The following STXBP5L variants were observed in gnomAD, a reference collection of about 807,000 sequenced individuals.
STXBP5L encodes syntaxin binding protein 5L.
STXBP5L carries 65 observed loss-of-function variants against 144.5 expected under a neutral mutation model. The observed-to-expected ratio is 0.45, with a 90% confidence interval of 0.37 to 0.55. The LOEUF (loss-of-function observed/expected upper bound fraction) is 0.55, where lower values mean the gene tolerates loss of function less well. STXBP5L is among the 20% of genes least tolerant of loss of function. The pLI, the probability that STXBP5L is intolerant of heterozygous loss-of-function variation, is 0.00. For missense variants in STXBP5L, 1,298 were observed against 1,405.5 expected (o/e 0.92, Z 1.22); for synonymous variants, 505 against 469.6 (o/e 1.08, Z -0.97).
intron 19 of STXBP5L, among the ~76,000 whole-genome samples, chr3:121,305,614 ATC>A (rs1205499747): frequency 6.6e-6 from 1 of 152,176 alleles, no homozygotes; most frequent in Admixed American, 6.5e-5. Context: ...TAAAATAAAA[ATC>A]CTTAACAAAA....
At chr3:121,217,720 A>G (rs1003514020) in intron 10 of STXBP5L, among the ~76,000 whole-genome samples, 7 of 152,094 alleles carry the variant, frequency 4.6e-5, no homozygotes, top group African/African-American at 1.4e-4. Flanking sequence ...ATTTCTTATA[A>G]TCTTTATTGT....
intron 18 of STXBP5L, among the ~76,000 whole-genome samples, chr3:121,267,799 T>A (rs1462022446): frequency 6.6e-6 from 1 of 152,012 alleles, no homozygotes; most frequent in Non-Finnish European, 1.5e-5. Context: ...AACAAATATA[T>A]GAAAAAAAGC....
At chr3:121,170,994 T>G (rs1244910693) in intron 9 of STXBP5L, among the ~76,000 whole-genome samples, 1 of 152,170 alleles carries the variant, frequency 6.6e-6, no homozygotes, top group Admixed American at 6.5e-5. Context: ...TTATCCACCA[T>G]GATCAAGTTG....
chr3:120,931,892 C>A (rs1002605874), intron 2 of STXBP5L, among the ~76,000 whole-genome samples: 1 of 152,186 alleles, frequency 6.6e-6, no homozygotes, highest in African/African-American at 2.4e-5. Flanking sequence ...TATACAGTCA[C>A]ATGTAACTTA....
At chr3:121,178,986 A>G (rs890869457) in intron 9 of STXBP5L, among the ~76,000 whole-genome samples, 9 of 152,116 alleles carry the variant, frequency 5.9e-5, no homozygotes, top group African/African-American at 1.4e-4. Context: ...ACTGTGGCAG[A>G]TACGAGCACA....
chr3:121,308,113 G>A (rs1035756351), intron 19 of STXBP5L, among the ~76,000 whole-genome samples: 1 of 152,282 alleles, frequency 6.6e-6, no homozygotes, highest in Non-Finnish European at 1.5e-5. Flanking sequence ...TGTTGGAGCA[G>A]GGGGAGGGAG....
At chr3:121,089,771 A>G (rs775029567) in intron 5 of STXBP5L, among the ~76,000 whole-genome samples, 1 of 151,416 alleles carries the variant, frequency 6.6e-6, no homozygotes, top group African/African-American at 2.4e-5. Context: ...TTTTTTACTT[A>G]TATTATTTGT....
chr3:121,193,901 G>A (rs993800065), intron 9 of STXBP5L, among the ~76,000 whole-genome samples: 9 of 151,882 alleles, frequency 5.9e-5, no homozygotes, highest in Non-Finnish European at 1.0e-4. Flanking sequence ...CAGCAAACCA[G>A]CATGGCACAT....
chr3:121,316,708 G>T (rs2043800866), intron 19 of STXBP5L, among the ~76,000 whole-genome samples: 1 of 152,132 alleles, frequency 6.6e-6, no homozygotes. Flanking sequence ...GGCACAGTAG[G>T]CATTCAATAA....
rs376943786 is a variant in STXBP5L at position 121,176,265 on chromosome 3, G to A, written c.877+18638G>A. On this transcript the variant is annotated intron_variant, in intron 9 of 26. Coordinates refer to ENST00000471454, the MANE Select transcript of STXBP5L (RefSeq NM_001308330.2). ...AATGCACACCATTTTTTTAAAAGTG[G>A]AAATGGGACACTAATCCAAATGGAT... 5.2e-4 allele frequency among the ~76,000 whole-genome samples: 79 copies of A among 151,892 alleles called. 1 individual carries two copies. The South Asian group carries it at 0.015, about 29-fold the overall frequency.
intron 5 of STXBP5L, among the ~76,000 whole-genome samples, chr3:121,098,144 T>TG (rs2043225243): frequency 6.6e-6 from 1 of 152,208 alleles, no homozygotes; most frequent in South Asian, 2.1e-4. Flanking sequence ...TATCTTGATA[T>TG]GTTTTTTAGA....
intron 3 of STXBP5L, among the ~76,000 whole-genome samples, chr3:120,966,212 A>C (rs962791373): frequency 3.3e-5 from 5 of 152,236 alleles, no homozygotes; most frequent in African/African-American, 1.2e-4. Context: ...GCTTCCTTGC[A>C]ATGGGTTCAA....
Position 121,169,300 on chromosome 3 carries a change from G to C in STXBP5L, c.877+11673G>C, listed in dbSNP as rs60718086. ...CATCAACTAACAGGCAAAATAAACA[G>C]CCAGCGTCATAAAGACAGGATCAAA... On this transcript the variant is annotated intron_variant, in intron 9 of 26. Coordinates refer to ENST00000471454, the MANE Select transcript of STXBP5L (RefSeq NM_001308330.2). Among the ~76,000 whole-genome samples the C allele has an allele frequency of 2.5e-3, 381 of 152,218 alleles. 2 individuals are homozygous for C. Among genetic ancestry groups the C allele is most frequent in the African/African-American group, 8.6e-3 (358 of 41,544 alleles).
intron 12 of STXBP5L, among the ~76,000 whole-genome samples, chr3:121,236,906 C>T (rs967935075): frequency 6.6e-6 from 1 of 152,146 alleles, no homozygotes; most frequent in African/African-American, 2.4e-5. Flanking sequence ...AGTAGGAAGG[C>T]GTAACAAGTC....
chr3:121,201,895 A>G (rs2048153473), intron 9 of STXBP5L, among the ~76,000 whole-genome samples: 1 of 152,122 alleles, frequency 6.6e-6, no homozygotes, highest in East Asian at 1.9e-4. Flanking sequence ...AGATGGGATT[A>G]CCGGCACGTG....
intron 19 of STXBP5L, among the ~76,000 whole-genome samples, chr3:121,290,946 C>T (rs79480457): frequency 6.7e-4 from 102 of 152,132 alleles, no homozygotes; most frequent in African/African-American, 2.2e-3. Flanking sequence ...CAACATTTTA[C>T]GGAATGGGGG....
chr3:121,228,636 GGAGGCT>G (rs1280905245), intron 11 of STXBP5L, among the ~76,000 whole-genome samples: 1 of 152,146 alleles, frequency 6.6e-6, no homozygotes, highest in Non-Finnish European at 1.5e-5. Flanking sequence ...CAACACTTTG[GGAGGCT>G]GAGGCAGTGG....
chr3:121,230,157 T>C (rs912617943), intron 11 of STXBP5L, among the ~76,000 whole-genome samples: 8 of 152,288 alleles, frequency 5.3e-5, no homozygotes, highest in Middle Eastern at 3.4e-3. Flanking sequence ...ACTGAGATAA[T>C]AGACAAACTA....
intron 2 of STXBP5L, among the ~76,000 whole-genome samples, chr3:120,952,718 T>C (rs1217740453): frequency 6.6e-6 from 1 of 152,134 alleles, no homozygotes; most frequent in African/African-American, 2.4e-5. Context: ...TGATGGATGC[T>C]TGATCATGCA....
Sources: allele counts gnomAD v4.1 joint callset (sites outside exome capture counted in the v4.1 genomes callset), GRCh38; gene constraint gnomAD v4.1.1; transcripts MANE v1.5; gene names NCBI Gene and HGNC (gene_info 2026-07-23, HGNC 2026-07-21).